The following DOK5 variants were observed in gnomAD, a reference collection of about 807,000 sequenced individuals.
DOK5 encodes docking protein 5.
Under a neutral mutation model 43.3 loss-of-function variants are expected in DOK5, and 27 were observed. The ratio of observed to expected loss-of-function variants is 0.62; its 90% confidence interval spans 0.46 to 0.86. DOK5 has a LOEUF of 0.86. Among genes scored for constraint, DOK5 ranks in the 40% least tolerant of loss-of-function variants. The pLI, the probability that DOK5 is intolerant of heterozygous loss-of-function variation, is 0.00. For synonymous variants in DOK5, 146 were observed against 140.1 expected (o/e 1.04, Z -0.30); for missense variants, 373 against 392.9 (o/e 0.95, Z 0.43).
chr20:54,489,450 A>C (rs1982076774), intron 1 of DOK5, among the ~76,000 whole-genome samples: 1 of 152,066 alleles, frequency 6.6e-6, no homozygotes, highest in Admixed American at 6.6e-5. Context: ...GTTTGCATGC[A>C]ATTTATACTT....
chr20:54,554,907 A>T (rs1350653243), intron 1 of DOK5, 26 bp from the exon 2 acceptor site: 1 of 1,429,760 alleles, frequency 7.0e-7, no homozygotes, highest in Non-Finnish European at 9.9e-7. Flanking sequence ...GGAGATGCTG[A>T]GCTCAGTCTT....
intron 6 of DOK5, among the ~76,000 whole-genome samples, chr20:54,614,775 A>C (rs1055001008): frequency 6.6e-6 from 1 of 152,228 alleles, no homozygotes; most frequent in Non-Finnish European, 1.5e-5. Context: ...TTCAACATGG[A>C]TCTGAATCTT....
At chr20:54,501,384 A>G (rs531407708) in intron 1 of DOK5, among the ~76,000 whole-genome samples, 14 of 146,844 alleles carry the variant, frequency 9.5e-5, no homozygotes, top group Admixed American at 2.1e-4. Flanking sequence ...GGAGAATGGC[A>G]TGAACCCGGG....
chr20:54,476,982 G>T (rs1981453613), intron 1 of DOK5, among the ~76,000 whole-genome samples: 1 of 150,188 alleles, frequency 6.7e-6, no homozygotes, highest in South Asian at 2.1e-4. Flanking sequence ...CTCCTATCAA[G>T]TGTTGTCGCT....
intron 1 of DOK5, among the ~76,000 whole-genome samples, chr20:54,513,943 G>A (rs188654674): frequency 6.6e-6 from 1 of 152,304 alleles, no homozygotes; most frequent in South Asian, 2.1e-4. Flanking sequence ...TGTGGTTTTG[G>A]TGACCTTGGA....
intron 1 of DOK5, among the ~76,000 whole-genome samples, chr20:54,520,508 G>A (rs1262768066): frequency 1.3e-5 from 2 of 152,114 alleles, no homozygotes; most frequent in African/African-American, 4.8e-5. Context: ...GCCAGGTAAG[G>A]TGGCTCATAC....
chr20:54,646,834 C>T (rs1055162959), intron 7 of DOK5, among the ~76,000 whole-genome samples: 3 of 150,464 alleles, frequency 2.0e-5, no homozygotes, highest in South Asian at 2.1e-4. Context: ...TCTTGTTTTG[C>T]TGATGATTAT....
chr20:54,586,102 C>A (rs1264633983), intron 2 of DOK5, among the ~76,000 whole-genome samples: 1 of 152,158 alleles, frequency 6.6e-6, no homozygotes, highest in Non-Finnish European at 1.5e-5. Flanking sequence ...GAGAAAGACT[C>A]CATCTCAAAC....
At chr20:54,539,022 C>T (rs1984049183) in intron 1 of DOK5, among the ~76,000 whole-genome samples, 1 of 152,110 alleles carries the variant, frequency 6.6e-6, no homozygotes, top group Non-Finnish European at 1.5e-5. Flanking sequence ...GTGGCTTACA[C>T]CTGCAATCCC....
chr20:54,537,831 C>CTTTTTT (rs927019328), intron 1 of DOK5, among the ~76,000 whole-genome samples: 30 of 89,534 alleles, frequency 3.4e-4, no homozygotes, highest in East Asian at 6.9e-4. Context: ...TGTACAAGTT[C>CTTTTTT]TTTTTTTTTT....
In DOK5 at chr20:54,475,694, C is replaced by A; in HGVS notation, c.-253C>A. 1.8e-6 allele frequency: 1 copy of A among 547,058 alleles called. No individual in the cohort carries two copies. 33.9% of individuals were successfully genotyped at this position (547,058 alleles called of 1,614,324 possible). A position where few individuals can be genotyped will look rare whatever the true frequency, so the allele number is the denominator to read the frequency against. ...CGGCCGCGGAGTCAGCTGACGCCGGCGCTCCAGCCTCGCCTCCCCGCGCCG... is the reference window on the plus strand; with the variant it reads ...CGGCCGCGGAGTCAGCTGACGCCGGAGCTCCAGCCTCGCCTCCCCGCGCCG... On this transcript the variant is annotated 5_prime_UTR_variant, in exon 1 of 8. Transcript: ENST00000262593. The surrounding 1 kb of genome is among the most constrained non-coding windows in gnomAD (Gnocchi z 4.2).
At chr20:54,621,683 G>A (rs1446600741) in intron 6 of DOK5, among the ~76,000 whole-genome samples, 3 of 149,688 alleles carry the variant, frequency 2.0e-5, no homozygotes, top group East Asian at 2.0e-4. Context: ...AACGAGACTC[G>A]GCCTCAAAAA....
At chr20:54,592,828 G>A (rs966930085) in intron 5 of DOK5, among the ~76,000 whole-genome samples, 2 of 152,052 alleles carry the variant, frequency 1.3e-5, no homozygotes, top group African/African-American at 4.8e-5. Context: ...CACCACGCCC[G>A]GCCAGATAAA....
At chr20:54,498,164 TTG>T (rs1982469604) in intron 1 of DOK5, among the ~76,000 whole-genome samples, 4 of 152,200 alleles carry the variant, frequency 2.6e-5, no homozygotes, top group Admixed American at 2.6e-4. Context: ...ACTGTATATT[TTG>T]TGTTGCAGGA....
rs368019656 is a variant in DOK5 at position 54,541,727 on chromosome 20, G to A, written c.67-13206G>A. Reference sequence around the variant, plus strand: ...GCTAGGATTACAGGTGTGAACCACCGTGCCCGGCCAAGCCAACAACTTTAG... The same window carrying A: ...GCTAGGATTACAGGTGTGAACCACCATGCCCGGCCAAGCCAACAACTTTAG... On this transcript the variant is annotated intron_variant, in intron 1 of 7. Coordinates refer to ENST00000262593, the MANE Select transcript of DOK5 (RefSeq NM_018431.5). 7.7e-4 allele frequency among the ~76,000 whole-genome samples: 117 copies of A among 152,162 alleles called. 2 individuals carry two copies. Among genetic ancestry groups the A allele is most frequent in the Admixed American group, 2.2e-3 (33 of 15,288 alleles).
At chr20:54,591,548 A>G (rs1441412925) in intron 4 of DOK5, 68 bp from the exon 5 acceptor site, 12 of 1,245,130 alleles carry the variant, frequency 9.6e-6, no homozygotes, top group South Asian at 6.5e-5. Flanking sequence ...AAATGCCTCT[A>G]TGTTCCTACA....
At chr20:54,524,885 A>C (rs1483623404) in intron 1 of DOK5, among the ~76,000 whole-genome samples, 1 of 152,128 alleles carries the variant, frequency 6.6e-6, no homozygotes, top group Non-Finnish European at 1.5e-5. Flanking sequence ...GGGATGGAAA[A>C]GGTTGAGTTT....
At chr20:54,609,418 A>G (rs1194694955) in intron 5 of DOK5, among the ~76,000 whole-genome samples, 5 of 152,140 alleles carry the variant, frequency 3.3e-5, no homozygotes, top group Non-Finnish European at 5.9e-5. Context: ...GCTTCTTTTA[A>G]TATCCCTGCA....
In DOK5 at chr20:54,643,586, T is replaced by G. The variant is rs1443764327; in HGVS notation, c.856+8T>G. ...AGCTCTACCGCTTGCAAGGTAAGCG[T>G]GGGGCTACCTGTGTCCAGGGTGTGG... On this transcript the variant is annotated splice_region_variant and intron_variant, in intron 7 of 7. Coordinates refer to ENST00000262593, the MANE Select transcript of DOK5 (RefSeq NM_018431.5). The G allele has an allele frequency of 3.1e-6, 5 of 1,610,588 alleles. No homozygotes were observed. Among genetic ancestry groups the G allele is most frequent in the Non-Finnish European group, 4.2e-6 (5 of 1,179,422 alleles).
Sources: gnomAD v4.1 joint callset for allele counts (sites outside exome capture counted in the v4.1 genomes callset) on GRCh38, gnomAD v4.1.1 for gene constraint, Gnocchi (gnomAD v3.1) non-coding constraint, MANE v1.5 for transcripts, NCBI Gene and HGNC (gene_info 2026-07-23, HGNC 2026-07-21) for gene names.